The following ASTN1 variants were observed in gnomAD, a reference collection of about 807,000 sequenced individuals.
The protein encoded by ASTN1 is astrotactin-1.
ASTN1 carries 41 observed loss-of-function variants against 140.7 expected under a neutral mutation model. The ratio of observed to expected loss-of-function variants is 0.29; its 90% CI spans 0.23 to 0.38. ASTN1 has a LOEUF of 0.38. Ranked by LOEUF, ASTN1 falls within the 10% of genes least tolerant of loss-of-function variation. The pLI, the probability that ASTN1 is intolerant of heterozygous loss-of-function variation, is 1.00. For synonymous variants in ASTN1, 640 were observed against 652.2 expected (o/e 0.98, Z 0.29); for missense variants, 1,479 against 1,678.8 (o/e 0.88, Z 2.08).
chr1:177,136,378 G>T (rs1179878233), intron 1 of ASTN1, among the ~76,000 whole-genome samples: 66 of 148,832 alleles, frequency 4.4e-4, no homozygotes, highest in African/African-American at 1.5e-3. Flanking sequence ...TTTGAGACAG[G>T]GTCTCTCTCT....
intron 8 of ASTN1, among the ~76,000 whole-genome samples, chr1:177,010,659 C>T (rs570170791): frequency 6.6e-6 from 1 of 152,196 alleles, no homozygotes; most frequent in Non-Finnish European, 1.5e-5. Flanking sequence ...GACCAACACA[C>T]AAATGTTTCA....
intron 2 of ASTN1, among the ~76,000 whole-genome samples, chr1:177,055,439 G>A (rs549249277): frequency 6.6e-6 from 1 of 152,322 alleles, no homozygotes; most frequent in African/African-American, 2.4e-5. Flanking sequence ...CCAGGCTTTT[G>A]CACATCAGCG....
chr1:177,118,259 A>G (rs1269119550), intron 1 of ASTN1, among the ~76,000 whole-genome samples: 1 of 152,184 alleles, frequency 6.6e-6, no homozygotes, highest in East Asian at 1.9e-4. Flanking sequence ...AATCTAGGTA[A>G]TAACAATGGT....
chr1:176,971,352 G>T (rs1393810518), intron 8 of ASTN1, among the ~76,000 whole-genome samples: 1 of 152,164 alleles, frequency 6.6e-6, no homozygotes, highest in Admixed American at 6.5e-5. Context: ...GGAAAAATAA[G>T]TACTTGGAAT....
intron 16 of ASTN1, among the ~76,000 whole-genome samples, chr1:176,899,965 T>C (rs1669695017): frequency 6.6e-6 from 1 of 152,352 alleles, no homozygotes. Flanking sequence ...AATAAGTGCC[T>C]TGGGGTCAGG....
At chr1:176,946,645 C>G (rs756337176) in intron 12 of ASTN1, among the ~76,000 whole-genome samples, 7 of 152,318 alleles carry the variant, frequency 4.6e-5, no homozygotes, top group Non-Finnish European at 7.4e-5. Flanking sequence ...TGGCACTGTA[C>G]TGTTTGAATG....
Position 176,891,047 on chromosome 1 carries a change from A to G in ASTN1, c.2941-2843T>C, listed in dbSNP as rs552498130. On this transcript the variant is annotated intron_variant, in intron 17 of 22. Transcript: ENST00000361833. Reference sequence around the variant, plus strand: ...TCTCAAAAAAACAAAAATTAAAATTAAAAAAAAAAAGAGTTTCTACTCTCT... The same window carrying G: ...TCTCAAAAAAACAAAAATTAAAATTGAAAAAAAAAAGAGTTTCTACTCTCT... Among the ~76,000 whole-genome samples, 12 of 147,314 alleles carry G rather than the reference A, an allele frequency of 8.1e-5. No individual in the cohort carries two copies. The East Asian group carries it at 2.0e-3, about 24-fold the overall frequency.
intron 1 of ASTN1, among the ~76,000 whole-genome samples, chr1:177,064,567 G>A (rs1343465828): frequency 6.6e-6 from 1 of 152,180 alleles, no homozygotes; most frequent in Admixed American, 6.5e-5. Context: ...GAGGTGGGCT[G>A]AGAGCACAGC....
At chr1:177,035,750 A>G (rs1676683158) in intron 2 of ASTN1, among the ~76,000 whole-genome samples, 1 of 152,216 alleles carries the variant, frequency 6.6e-6, no homozygotes. Context: ...GAGAAACTAC[A>G]GAACTAGACA....
chr1:176,979,701 C>CAAAACAAAAA (rs1286438865), intron 8 of ASTN1, among the ~76,000 whole-genome samples: 1 of 151,494 alleles, frequency 6.6e-6, no homozygotes, highest in African/African-American at 2.4e-5. Flanking sequence ...CAAAACAAAA[C>CAAAACAAAAA]AAAACAAAAA....
intron 3 of ASTN1, among the ~76,000 whole-genome samples, chr1:177,031,496 A>G (rs1383472471): frequency 3.3e-5 from 5 of 152,186 alleles, no homozygotes; most frequent in African/African-American, 1.2e-4. Context: ...ACCAGGTGTT[A>G]TGGTCAATAT....
intron 7 of ASTN1, among the ~76,000 whole-genome samples, chr1:177,018,780 C>T (rs1675685088): frequency 6.6e-6 from 1 of 152,152 alleles, no homozygotes; most frequent in African/African-American, 2.4e-5. Context: ...ATCAAAAACA[C>T]AAAACCAAAA....
At chr1:177,094,739 C>T (rs1418022365) in intron 1 of ASTN1, among the ~76,000 whole-genome samples, 1 of 152,090 alleles carries the variant, frequency 6.6e-6, no homozygotes, top group East Asian at 1.9e-4. Context: ...AAGTGGTTTT[C>T]AAATTGGGTA....
At chr1:176,934,476 G>T in intron 15 of ASTN1, 136 bp from the exon 16 acceptor site, 1 of 807,550 alleles carries the variant, frequency 1.2e-6, no homozygotes, top group African/African-American at 1.7e-5. Context: ...AGAAGTGTCT[G>T]GTGAATGTTT....
rs572123720 is a variant in ASTN1, at chr1:176,882,923, G to A, written c.3298C>T (p.Pro1100Ser). 245 of 1,614,096 alleles carry A rather than the reference G, an allele frequency of 1.5e-4. 2 individuals carry two copies. The South Asian group carries it at 2.4e-3, about 16-fold the overall frequency. ...GAGATGGTGGTGAGCTGCTTGTCCG[G>A]CACCTGAGATGGCATTGCACAAGGA... ...KSPCAMPSQV[P>S]DKQLTTISLI... is the part of the protein sequence containing the mutation. The change falls in exon 20 of 23, where the codon CCG (proline) becomes TCG (serine). Residue 1100 changes from proline (P) to serine (S), a missense_variant. Physicochemically the swap from Pro to Ser is moderately conservative, Grantham distance 74. Coordinates refer to ENST00000361833, the MANE Select transcript of ASTN1 (RefSeq NM_004319.3).
chr1:176,858,859 T>C (rs751295832), downstream of ASTN1, among the ~76,000 whole-genome samples: 2 of 152,226 alleles, frequency 1.3e-5, no homozygotes, highest in Non-Finnish European at 2.9e-5. Flanking sequence ...TCATTAATCA[T>C]GATGGCAGTA....
intron 17 of ASTN1, among the ~76,000 whole-genome samples, chr1:176,894,056 T>C (rs1669385851): frequency 6.6e-6 from 1 of 152,206 alleles, no homozygotes; most frequent in Admixed American, 6.5e-5. Context: ...GCCAGAGTGA[T>C]AGGCAGAAAA....
intron 8 of ASTN1, among the ~76,000 whole-genome samples, chr1:177,011,113 A>T (rs1417745376): frequency 6.6e-6 from 1 of 152,078 alleles, no homozygotes; most frequent in Non-Finnish European, 1.5e-5. Flanking sequence ...CTTATGCTAC[A>T]TTGAGCTTTT....
At chr1:177,134,186 G>A (rs1682068313) in intron 1 of ASTN1, among the ~76,000 whole-genome samples, 1 of 152,196 alleles carries the variant, frequency 6.6e-6, no homozygotes, top group Non-Finnish European at 1.5e-5. Context: ...GTAATGGATT[G>A]CAAATACAGG....
Sources: allele counts gnomAD v4.1 joint callset (sites outside exome capture counted in the v4.1 genomes callset), GRCh38; gene constraint gnomAD v4.1.1; transcripts MANE v1.5; gene names NCBI Gene and HGNC (gene_info 2026-07-23, HGNC 2026-07-21).